Variants in AGBL4 observed in about 807,000 individuals in gnomAD.
AGBL4 encodes the protein cytosolic carboxypeptidase 6.
AGBL4 carries 58 observed loss-of-function variants against 66.4 expected under a neutral mutation model. The observed-to-expected ratio is 0.87, with a 90% CI of 0.71 to 1.09. AGBL4 has a LOEUF of 1.09. Ranked by LOEUF, AGBL4 falls within the 50% of genes least tolerant of loss-of-function variation. AGBL4 has a pLI of 0.00. For synonymous variants in AGBL4, 234 were observed against 222.9 expected (o/e 1.05, Z -0.44); for missense variants, 579 against 631.0 (o/e 0.92, Z 0.88).
chr1:49,351,331 T>C (rs150800914), intron 3 of AGBL4, among the ~76,000 whole-genome samples: 2 of 152,274 alleles, frequency 1.3e-5, no homozygotes, highest in South Asian at 2.1e-4. Context: ...TTCCAGATGA[T>C]ACACTCCATG....
chr1:49,084,016 C>T (rs1271602987), intron 4 of AGBL4, among the ~76,000 whole-genome samples: 1 of 152,194 alleles, frequency 6.6e-6, no homozygotes, highest in Admixed American at 6.5e-5. Context: ...GCTCCAGTTC[C>T]CAACAAGTTC....
intron 1 of AGBL4, among the ~76,000 whole-genome samples, chr1:50,022,837 C>T (rs768501687): frequency 3.9e-5 from 6 of 152,132 alleles, no homozygotes; most frequent in Non-Finnish European, 8.8e-5. Context: ...AGTGGTCAGC[C>T]TCATTTAGAG....
At chr1:49,245,722 G>A (rs1399252746) in intron 4 of AGBL4, 48 bp downstream of exon 4, 2 of 1,423,396 alleles carry the variant, frequency 1.4e-6, no homozygotes, top group Admixed American at 2.0e-5. Context: ...ATGGGGTCTG[G>A]GACAAATTTT....
chr1:48,803,064 C>T (rs1170735043), intron 6 of AGBL4, among the ~76,000 whole-genome samples: 1 of 152,172 alleles, frequency 6.6e-6, no homozygotes, highest in African/African-American at 2.4e-5. Context: ...CTTGATTATT[C>T]CCACTAGTGA....
At chr1:49,623,577 G>A (rs1013387809) in intron 3 of AGBL4, among the ~76,000 whole-genome samples, 3 of 152,086 alleles carry the variant, frequency 2.0e-5, no homozygotes, top group Non-Finnish European at 4.4e-5. Flanking sequence ...CCTTTTACCC[G>A]GATGGTTCTG....
chr1:49,506,279 A>G (rs971351862), intron 3 of AGBL4, among the ~76,000 whole-genome samples: 8 of 152,146 alleles, frequency 5.3e-5, no homozygotes, highest in Non-Finnish European at 1.2e-4. Flanking sequence ...AAAATCTTTT[A>G]CACAAATTTT....
intron 1 of AGBL4, among the ~76,000 whole-genome samples, chr1:49,956,035 C>A (rs548192859): frequency 1.3e-5 from 2 of 151,922 alleles, no homozygotes; most frequent in East Asian, 3.9e-4. Context: ...GTCATATATT[C>A]TCTTATAATT....
chr1:48,625,007 A>C (rs1390289366), intron 9 of AGBL4, among the ~76,000 whole-genome samples: 3 of 151,736 alleles, frequency 2.0e-5, no homozygotes, highest in Non-Finnish European at 4.4e-5. Flanking sequence ...TCCTGAGCTT[A>C]AGGGATCCTC....
chr1:49,619,138 G>A (rs977532002), intron 3 of AGBL4, among the ~76,000 whole-genome samples: 2 of 152,146 alleles, frequency 1.3e-5, no homozygotes, highest in African/African-American at 4.8e-5. Flanking sequence ...GCAAGAGAAA[G>A]AAATAAAGGG....
intron 7 of AGBL4, among the ~76,000 whole-genome samples, chr1:48,661,402 G>A (rs114620141): frequency 6.4e-4 from 97 of 152,374 alleles, no homozygotes; most frequent in South Asian, 1.4e-3. Context: ...CAAGGTTTCA[G>A]CTGTGTGGGG....
chr1:49,880,387 C>T (rs533359582), intron 1 of AGBL4, among the ~76,000 whole-genome samples: 1 of 151,994 alleles, frequency 6.6e-6, no homozygotes, highest in Admixed American at 6.6e-5. Flanking sequence ...ACAGACAGGA[C>T]CCTCAGCTGC....
intron 6 of AGBL4, among the ~76,000 whole-genome samples, chr1:48,846,419 A>G (rs995724866): frequency 3.4e-5 from 5 of 147,516 alleles, no homozygotes; most frequent in African/African-American, 1.3e-4. Flanking sequence ...GAAAGAAAGA[A>G]AGAAATTCAT....
chr1:48,594,858 C>T (rs146437107), intron 9 of AGBL4, among the ~76,000 whole-genome samples: 99 of 152,172 alleles, frequency 6.5e-4, no homozygotes, highest in African/African-American at 2.1e-3. Flanking sequence ...TAAAACTCCT[C>T]GTACACAATC....
At chr1:49,725,178 A>T (rs1648920647) in intron 2 of AGBL4, among the ~76,000 whole-genome samples, 1 of 152,114 alleles carries the variant, frequency 6.6e-6, no homozygotes, top group South Asian at 2.1e-4. Flanking sequence ...GCTCTAGGAA[A>T]ATGTTTACCT....
At chr1:48,884,391 C>CTT (rs74429434) in intron 5 of AGBL4, among the ~76,000 whole-genome samples, 19 of 145,974 alleles carry the variant, frequency 1.3e-4, no homozygotes, top group Admixed American at 5.4e-4. Context: ...AGAGCCTGGA[C>CTT]TTTTTTTTTT....
chr1:49,998,822 A>G (rs1411489168), intron 1 of AGBL4, among the ~76,000 whole-genome samples: 17 of 152,212 alleles, frequency 1.1e-4, no homozygotes. Flanking sequence ...AACAGAATTA[A>G]AAACAAAAAT....
intron 9 of AGBL4, among the ~76,000 whole-genome samples, chr1:48,629,234 G>A (rs1645554894): frequency 6.6e-6 from 1 of 152,156 alleles, no homozygotes; most frequent in Non-Finnish European, 1.5e-5. Flanking sequence ...GCTGTGAGAG[G>A]AGGGCCCTGT....
chr1:49,200,758 A>G (rs1432568576), intron 4 of AGBL4, among the ~76,000 whole-genome samples: 2 of 152,206 alleles, frequency 1.3e-5, no homozygotes, highest in African/African-American at 2.4e-5. Context: ...CCATGTGCTT[A>G]GCAATCTGTA....
intron 1 of AGBL4, among the ~76,000 whole-genome samples, chr1:49,881,041 T>A (rs1571790249): frequency 6.6e-6 from 1 of 152,116 alleles, no homozygotes; most frequent in Non-Finnish European, 1.5e-5. Context: ...GCGCACCCAC[T>A]GGCCTGCGCC....
Sources: gnomAD v4.1 joint callset for allele counts (sites outside exome capture counted in the v4.1 genomes callset) on GRCh38, gnomAD v4.1.1 for gene constraint, MANE v1.5 for transcripts, NCBI Gene and HGNC (gene_info 2026-07-23, HGNC 2026-07-21) for gene names.